Variants in SAMSN1 observed in about 807,000 individuals in gnomAD.
SAMSN1 encodes SAM domain, SH3 domain and nuclear localization signals 1, also known as SAM domain-containing protein SAMSN-1.
In SAMSN1, 31 loss-of-function variants were observed where a neutral mutation model predicts 42.0. The observed-to-expected ratio is 0.74, with a 90% CI of 0.55 to 1.00. The LOEUF is 1.00. Among genes scored for constraint, SAMSN1 ranks in the 50% least tolerant of loss-of-function variants. The pLI is 0.00. For synonymous variants in SAMSN1, 178 were observed against 151.9 expected, an observed-to-expected ratio of 1.17 and a Z score of -1.26; for missense variants, 464 against 439.4, an observed-to-expected ratio of 1.06 and a Z score of -0.50.
At chr21:14,598,503 C>T (rs1230902785) in intron 6 of SAMSN1, among the ~76,000 whole-genome samples, 1 of 152,124 alleles carries the variant, frequency 6.6e-6, no homozygotes, top group East Asian at 1.9e-4. Context: ...TGCTTTGCTT[C>T]AAGCTCTACC....
At chr21:14,633,506 A>G (rs1237036402) in intron 2 of SAMSN1, among the ~76,000 whole-genome samples, 1 of 152,196 alleles carries the variant, frequency 6.6e-6, no homozygotes, top group African/African-American at 2.4e-5. Flanking sequence ...CTATTTAGGA[A>G]CCAAGCCAGA....
intron 1 of SAMSN1, among the ~76,000 whole-genome samples, chr21:14,545,684 C>T (rs568681579): frequency 1.8e-4 from 27 of 151,862 alleles, no homozygotes; most frequent in South Asian, 4.1e-4. Context: ...AACATTAGTT[C>T]GAGAGAATAG....
At chr21:14,624,895 C>T (rs1001528728) in intron 2 of SAMSN1, among the ~76,000 whole-genome samples, 2 of 152,096 alleles carry the variant, frequency 1.3e-5, no homozygotes, top group Admixed American at 6.6e-5. Context: ...AGTGGCAAAC[C>T]GAATCCAGTA....
chr21:14,542,705 T>A, intron 1 of SAMSN1, among the ~76,000 whole-genome samples: 1 of 151,904 alleles, frequency 6.6e-6, no homozygotes, highest in East Asian at 1.9e-4. Flanking sequence ...AAGGCTGAGG[T>A]GGTTTGAGAT....
intron 2 of SAMSN1, among the ~76,000 whole-genome samples, chr21:14,575,181 T>C (rs1185819795): frequency 1.3e-5 from 2 of 152,202 alleles, no homozygotes; most frequent in African/African-American, 4.8e-5. Context: ...GAATAAGCCA[T>C]GCAGAATCTC....
chr21:14,625,649 T>A (rs1324344064), intron 2 of SAMSN1, among the ~76,000 whole-genome samples: 5 of 152,038 alleles, frequency 3.3e-5, no homozygotes, highest in Non-Finnish European at 7.4e-5. Context: ...AAGTGGAAGA[T>A]AATTCCATGC....
intron 1 of SAMSN1, among the ~76,000 whole-genome samples, chr21:14,649,810 CACACACAGAA>C (rs1341276188): frequency 1.3e-5 from 2 of 151,108 alleles, no homozygotes; most frequent in African/African-American, 4.9e-5. Context: ...CACACACACA[CACACACAGAA>C]AGAGAGAAAA....
At chr21:14,499,519 C>G (rs1346369779) in intron 6 of SAMSN1, among the ~76,000 whole-genome samples, 2 of 144,550 alleles carry the variant, frequency 1.4e-5, no homozygotes, top group Non-Finnish European at 1.5e-5. Flanking sequence ...GGAAGAAAAG[C>G]AAGAAGAATG....
intron 1 of SAMSN1, among the ~76,000 whole-genome samples, chr21:14,648,501 A>C (rs1983764239): frequency 1.3e-5 from 2 of 152,242 alleles, no homozygotes; most frequent in Admixed American, 6.5e-5. Context: ...AATGGGAGAA[A>C]ATTTTCACAA....
intron 5 of SAMSN1, among the ~76,000 whole-genome samples, chr21:14,501,714 A>C (rs1454276968): frequency 2.0e-5 from 3 of 152,238 alleles, no homozygotes; most frequent in Non-Finnish European, 4.4e-5. Flanking sequence ...GTATGTGTAC[A>C]CTAAGGATAA....
intron 1 of SAMSN1, among the ~76,000 whole-genome samples, chr21:14,656,456 C>T (rs141477284): frequency 6.6e-6 from 1 of 151,834 alleles, no homozygotes; most frequent in Non-Finnish European, 1.5e-5. Flanking sequence ...GATTTGTAAC[C>T]TCATGGGTTA....
At chr21:14,625,181 G>A (rs563128585) in intron 2 of SAMSN1, among the ~76,000 whole-genome samples, 2 of 152,150 alleles carry the variant, frequency 1.3e-5, no homozygotes, top group East Asian at 3.9e-4. Context: ...ATACTGAATG[G>A]GCAAAAACTG....
At chr21:14,643,163 A>G in intron 1 of SAMSN1, 1 of 712,950 alleles carries the variant, frequency 1.4e-6, no homozygotes, top group Non-Finnish European at 2.6e-6. Context: ...GAGTCAAGGA[A>G]TAACAGAATA....
At position 14,500,612 on chromosome 21, in the gene SAMSN1, G is replaced by T; in HGVS notation, c.685C>A (p.Pro229Thr). The change falls in exon 6 of 8, where the codon CCC (proline) becomes ACC (threonine). Residue 229 changes from proline to threonine, a missense_variant. Pro to Thr is a conservative substitution (Grantham distance 38). Transcript: ENST00000400566. ...CTTCGGTTTGCCTTTATTTTCTTGG[G>T]GGCTGCTTCCTCTTCTGAGATGACA... ...VDVISEEEAA[P>T]KKIKANRRSN... 2 of 1,613,882 alleles carry T rather than the reference G, an allele frequency of 1.2e-6. No individual in the cohort carries two copies. Among genetic ancestry groups the T allele is most frequent in the African/African-American group, 1.3e-5 (1 of 74,940 alleles).
chr21:14,507,159 C>T (rs1161514735), intron 5 of SAMSN1, among the ~76,000 whole-genome samples: 1 of 152,136 alleles, frequency 6.6e-6, no homozygotes, highest in Non-Finnish European at 1.5e-5. Flanking sequence ...TCTCACCATT[C>T]CTCTTCAACA....
upstream of SAMSN1, among the ~76,000 whole-genome samples, chr21:14,587,386 A>G (rs182179246): frequency 1.6e-3 from 246 of 152,268 alleles, 1 homozygote; most frequent in Non-Finnish European, 2.1e-3. Flanking sequence ...TTTGATATTC[A>G]GCAATGTTGA....
chr21:14,635,483 C>T (rs1983444730), intron 2 of SAMSN1, among the ~76,000 whole-genome samples: 1 of 152,106 alleles, frequency 6.6e-6, no homozygotes, highest in Non-Finnish European at 1.5e-5. Context: ...TCCACTATAC[C>T]TAGGTGTCTG....
chr21:14,495,685 A>G (rs915303063), intron 7 of SAMSN1: 8 of 152,200 alleles, frequency 5.3e-5, no homozygotes, highest in African/African-American at 1.9e-4. Context: ...TTTCTGGGAC[A>G]TGTCCTTTTT....
At chr21:14,588,532 G>T (rs989456640) in intron 7 of SAMSN1, among the ~76,000 whole-genome samples, 2 of 151,732 alleles carry the variant, frequency 1.3e-5, no homozygotes, top group African/African-American at 4.8e-5. Flanking sequence ...TTTTTTGGCT[G>T]CATAAATGTC....
Sources: gnomAD v4.1 joint callset for allele counts (sites outside exome capture counted in the v4.1 genomes callset) on GRCh38, gnomAD v4.1.1 for gene constraint, MANE v1.5 for transcripts, NCBI Gene and HGNC (gene_info 2026-07-23, HGNC 2026-07-21) for gene names.